The following SPECC1 variants were observed in gnomAD, a reference collection of about 807,000 sequenced individuals.
SPECC1 encodes cytospin-B.
A neutral mutation model predicts 104.1 loss-of-function variants in SPECC1; 62 were observed. The ratio of observed to expected loss-of-function variants is 0.60; its 90% CI spans 0.49 to 0.74. The LOEUF (loss-of-function observed/expected upper bound fraction) is 0.74, where lower values mean the gene tolerates loss of function less well. Ranked by LOEUF, SPECC1 falls within the 30% of genes least tolerant of loss-of-function variation. The pLI, the probability that SPECC1 is intolerant of heterozygous loss-of-function variation, is 0.00. For missense variants in SPECC1, 1,306 were observed against 1,310.5 expected (o/e 1.00, Z 0.05); for synonymous variants, 513 against 501.6 (o/e 1.02, Z -0.30).
At chr17:20,189,982 G>A (rs1456635156) in intron 3 of SPECC1, among the ~76,000 whole-genome samples, 2 of 152,108 alleles carry the variant, frequency 1.3e-5, no homozygotes, top group Non-Finnish European at 2.9e-5. Flanking sequence ...GGACTCTTTT[G>A]TGTTTTTTTC....
chr17:20,230,508 C>CTGTTT (rs60177636), intron 5 of SPECC1, among the ~76,000 whole-genome samples: 107,026 of 151,342 alleles, frequency 0.71, 39,617 homozygotes, highest in East Asian at 0.99. Flanking sequence ...AAGACAAGTT[C>CTGTTT]TGTTTTGTTT....
chr17:20,148,624 C>G (rs139376336), intron 3 of SPECC1, among the ~76,000 whole-genome samples: 314 of 151,522 alleles, frequency 2.1e-3, no homozygotes, highest in Middle Eastern at 7.0e-3. Flanking sequence ...GGGCCACTCT[C>G]AATCAGTGCC....
intron 3 of SPECC1, among the ~76,000 whole-genome samples, chr17:20,133,654 A>G (rs929601941): frequency 6.6e-6 from 1 of 152,218 alleles, no homozygotes; most frequent in Non-Finnish European, 1.5e-5. Context: ...CAAACACTGC[A>G]GGGATTCATG....
At chr17:20,078,845 G>A (rs903159144) in intron 1 of SPECC1, among the ~76,000 whole-genome samples, 1 of 152,190 alleles carries the variant, frequency 6.6e-6, no homozygotes, top group South Asian at 2.1e-4. Context: ...CCTCTGGAGA[G>A]AGAAGTAGAC....
At chr17:20,017,938 A>C (rs553146209) in intron 1 of SPECC1, 1 of 132,958 alleles carries the variant, frequency 7.5e-6, no homozygotes, top group Non-Finnish European at 1.5e-5. Flanking sequence ...GTGATTCTTT[A>C]TGTGTTCATC....
At chr17:20,183,239 A>G (rs909046708) in intron 3 of SPECC1, among the ~76,000 whole-genome samples, 4 of 152,130 alleles carry the variant, frequency 2.6e-5, no homozygotes. Flanking sequence ...ACAGAGAAAC[A>G]ATTACTCCTA....
At chr17:20,068,287 G>C (rs1223149325) in intron 1 of SPECC1, among the ~76,000 whole-genome samples, 3 of 152,140 alleles carry the variant, frequency 2.0e-5, no homozygotes, top group African/African-American at 7.2e-5. Context: ...TTCAACATAA[G>C]GTTTTCAGGG....
intron 3 of SPECC1, among the ~76,000 whole-genome samples, chr17:20,202,297 C>G (rs971454557): frequency 6.6e-6 from 1 of 151,976 alleles, no homozygotes; most frequent in Non-Finnish European, 1.5e-5. Context: ...GTTCCTCTCT[C>G]CAGTACACCT....
At chr17:20,303,653 T>TA (rs1185425016) in intron 13 of SPECC1, among the ~76,000 whole-genome samples, 5 of 152,114 alleles carry the variant, frequency 3.3e-5, no homozygotes, top group African/African-American at 1.2e-4. Context: ...AATCTAAACA[T>TA]ACAAAATTAA....
intron 3 of SPECC1, among the ~76,000 whole-genome samples, chr17:20,168,124 A>G (rs560661721): frequency 6.6e-6 from 1 of 152,330 alleles, no homozygotes; most frequent in South Asian, 2.1e-4. Context: ...TAGTACTAAT[A>G]CTGTTAATAC....
intron 4 of SPECC1, among the ~76,000 whole-genome samples, chr17:20,217,472 A>G (rs1268375302): frequency 2.0e-5 from 3 of 152,154 alleles, no homozygotes. Context: ...CTCACCTGCA[A>G]GCAGAGGCTT....
chr17:20,126,521 T>C (rs1304909157), intron 3 of SPECC1: 1 of 152,210 alleles, frequency 6.6e-6, no homozygotes, highest in Admixed American at 6.5e-5. Flanking sequence ...TTAAAAAATA[T>C]TTAGTTTGGA....
At chr17:20,230,822 A>G (rs890301213) in intron 5 of SPECC1, among the ~76,000 whole-genome samples, 1 of 152,238 alleles carries the variant, frequency 6.6e-6, no homozygotes, top group African/African-American at 2.4e-5. Context: ...CTGATGGGAA[A>G]GGAATGGACT....
At chr17:20,245,512 ACT>A (rs1452139907) in intron 7 of SPECC1, among the ~76,000 whole-genome samples, 2 of 151,750 alleles carry the variant, frequency 1.3e-5, no homozygotes, top group African/African-American at 4.8e-5. Context: ...ATCTTTCCAA[ACT>A]CTGTGTACTG....
chr17:20,057,408 T>C (rs1056296019), intron 1 of SPECC1, among the ~76,000 whole-genome samples: 1 of 152,200 alleles, frequency 6.6e-6, no homozygotes, highest in African/African-American at 2.4e-5. Context: ...GCCACTGCAC[T>C]CCAGCCTGGG....
chr17:20,112,354 C>T (rs1388250156), intron 3 of SPECC1: 1 of 756,742 alleles, frequency 1.3e-6, no homozygotes, highest in Non-Finnish European at 2.5e-6. Flanking sequence ...TTTGTATTGA[C>T]TCATTGATTG....
intron 1 of SPECC1, among the ~76,000 whole-genome samples, chr17:20,058,908 C>T (rs1327114177): frequency 1.4e-5 from 2 of 142,154 alleles, no homozygotes; most frequent in East Asian, 2.1e-4. Context: ...GGCGTGATCT[C>T]GGCTTACCTC....
intron 3 of SPECC1, among the ~76,000 whole-genome samples, chr17:20,118,920 A>G (rs2048893505): frequency 6.6e-6 from 1 of 152,124 alleles, no homozygotes; most frequent in South Asian, 2.1e-4. Context: ...TGCTTATAGC[A>G]TCTGCTCCTT....
chr17:20,315,466 C>T lies in SPECC1; in HGVS notation c.*1401C>T, dbSNP rs1488616758. 5 of 232,612 alleles carry T rather than the reference C, an allele frequency of 2.1e-5. No individual in the cohort carries two copies. The highest frequency in any genetic ancestry group is 6.1e-5 in the East Asian group (1 of 16,524). 14.4% of individuals were successfully genotyped at this position (232,612 alleles called of 1,614,324 possible). A position where few individuals can be genotyped will look rare whatever the true frequency, so the allele number is the denominator to read the frequency against. On this transcript the variant is annotated 3_prime_UTR_variant, in exon 15 of 15. Transcript: ENST00000395527. ...GTGTGCACTACACAGCGAGTGAGGGCGTGGCTCACACAGTTGTTTGAGGGA... is the reference window on the plus strand; with the variant it reads ...GTGTGCACTACACAGCGAGTGAGGGTGTGGCTCACACAGTTGTTTGAGGGA...
Sources: gnomAD v4.1 joint callset for allele counts (sites outside exome capture counted in the v4.1 genomes callset) on GRCh38, gnomAD v4.1.1 for gene constraint, MANE v1.5 for transcripts, NCBI Gene and HGNC (gene_info 2026-07-23, HGNC 2026-07-21) for gene names.